Variants in UNC5A observed in about 807,000 individuals in gnomAD.
The protein encoded by UNC5A is unc-5 netrin receptor A.
In UNC5A, 20 loss-of-function variants were observed where a neutral mutation model predicts 87.4. The observed-to-expected ratio is 0.23, with a 90% CI of 0.16 to 0.33. UNC5A has a LOEUF of 0.33. UNC5A is among the 10% of genes least tolerant of loss of function. The pLI, the probability that UNC5A is intolerant of heterozygous loss-of-function variation, is 1.00. For synonymous variants in UNC5A, 438 were observed against 482.3 expected, an observed-to-expected ratio of 0.91 and a Z score of 1.20; for missense variants, 844 against 1,133.4, an observed-to-expected ratio of 0.74 and a Z score of 3.67.
chr5:176,821,264 G>A (rs912164992), intron 1 of UNC5A, among the ~76,000 whole-genome samples: 2 of 152,142 alleles, frequency 1.3e-5, no homozygotes, highest in Non-Finnish European at 2.9e-5. Context: ...CCTTGGTTTC[G>A]GGCCATCTTT....
chr5:176,868,474 C>T lies in UNC5A; in HGVS notation c.437-87C>T, dbSNP rs544721124. ...CTGGCACTTCCTCTGCCATGTGCCA[C>T]GGCCCCTGCAGGACAAGGGACACAG... On this transcript the variant is annotated intron_variant, in intron 3 of 14. Transcript: ENST00000329542. 92 of 1,470,198 alleles carry T rather than the reference C, an allele frequency of 6.3e-5. No individual in the cohort carries two copies. In the Admixed American group the frequency reaches 1.2e-3, roughly 19 times the overall value. 91.1% of individuals were successfully genotyped at this position (1,470,198 alleles called of 1,614,324 possible).
At position 176,880,184 on chromosome 5, in the gene UNC5A, A is replaced by G. The variant is rs1032067144; in HGVS notation, c.*298A>G. On this transcript the variant is annotated 3_prime_UTR_variant, in exon 15 of 15. Coordinates refer to ENST00000329542, the MANE Select transcript of UNC5A (RefSeq NM_133369.3). ...TGTGTGTGTATGTGCGTGTGATGCT[A>G]CCTCTCCTCCCGTCCCTCTCCAGGG... The G allele has an allele frequency of 1.8e-5, 6 of 326,956 alleles. No individual in the cohort carries two copies. Among genetic ancestry groups the G allele is most frequent in the African/African-American group, 1.3e-4 (6 of 46,928 alleles). 20.3% of individuals were successfully genotyped at this position (326,956 alleles called of 1,614,324 possible).
intron 2 of UNC5A, among the ~76,000 whole-genome samples, chr5:176,864,031 C>T (rs969289159): frequency 2.0e-5 from 3 of 151,586 alleles, no homozygotes; most frequent in East Asian, 3.9e-4. Flanking sequence ...AGGCACAGCC[C>T]GTGCGGGACA....
Position 176,874,689 on chromosome 5 carries a change from G to A in UNC5A, c.1378+123G>A. ...CAGATCAGCAAGGAAAGGGGGTGGA[G>A]TTTTGGGGAGAACCCAGTCTTGGCT... On this transcript the variant is annotated intron_variant, in intron 8 of 14. Coordinates refer to ENST00000329542, the MANE Select transcript of UNC5A (RefSeq NM_133369.3). The surrounding 1 kb of genome is among the most constrained non-coding windows in gnomAD (Gnocchi z 7.6). 1 of 1,177,020 alleles carries A rather than the reference G, an allele frequency of 8.5e-7. No homozygotes were observed. The highest frequency in any genetic ancestry group is 1.2e-6 in the Non-Finnish European group (1 of 865,722). 72.9% of individuals were successfully genotyped at this position (1,177,020 alleles called of 1,614,324 possible).
chr5:176,874,135 A>C lies in UNC5A; in HGVS notation c.1054A>C (p.Ser352Arg). ...TCTCACCTCAGGCTTCCAGCCCGTC[A>C]GCATCAAGCCCAGCAAAGCAGGTGA... ...SILTSGFQPV[S>R]IKPSKADNPH... Residue 352 changes from serine (S) to arginine (R), a missense_variant, in exon 7 of 15, where the codon AGC (serine) becomes CGC (arginine). Transcript: ENST00000329542. The surrounding 1 kb of genome is among the most constrained non-coding windows in gnomAD (Gnocchi z 7.6). The C allele has an allele frequency of 6.2e-7, 1 of 1,613,942 alleles. No individual in the cohort carries two copies. The highest frequency in any genetic ancestry group is 8.5e-7 in the Non-Finnish European group (1 of 1,179,922).
chr5:176,856,289 G>T (rs1757665786), intron 1 of UNC5A, among the ~76,000 whole-genome samples: 1 of 152,260 alleles, frequency 6.6e-6, no homozygotes, highest in South Asian at 2.1e-4. Context: ...GCCTACAAGA[G>T]CAGCATGTGC....
chr5:176,878,178 C>T, intron 11 of UNC5A, 51 bp downstream of exon 11: 1 of 1,603,482 alleles, frequency 6.2e-7, no homozygotes, highest in Non-Finnish European at 8.5e-7. Context: ...CTATGCCTGG[C>T]CCTGTGGACT....
chr5:176,852,898 C>T (rs1757579961), intron 1 of UNC5A, among the ~76,000 whole-genome samples: 1 of 152,230 alleles, frequency 6.6e-6, no homozygotes, highest in Non-Finnish European at 1.5e-5. Context: ...CAGATGTGGT[C>T]CTGCTGTTGT....
intron 1 of UNC5A, among the ~76,000 whole-genome samples, chr5:176,847,124 C>T (rs1195533811): frequency 6.6e-6 from 1 of 152,180 alleles, no homozygotes; most frequent in East Asian, 1.9e-4. Context: ...TGAAGGTCTG[C>T]CTCACCCCCG....
At position 176,848,086 on chromosome 5, in the gene UNC5A, A is replaced by ACTGACTAG. The variant is rs1757456086; in HGVS notation, c.71-14533_71-14532insTAGCTGAC. Among the ~76,000 whole-genome samples, 1 of 151,916 alleles carries ACTGACTAG rather than the reference A, an allele frequency of 6.6e-6. No homozygotes were observed. Among genetic ancestry groups the ACTGACTAG allele is most frequent in the South Asian group, 2.1e-4 (1 of 4,816 alleles). On this transcript the variant is annotated intron_variant, in intron 1 of 14. Transcript: ENST00000329542. The surrounding 1 kb of genome is among the most constrained non-coding windows in gnomAD (Gnocchi z 5.8). Reference sequence around the variant, plus strand: ...CATCCAGCAGCCCCTCCAGGCCCCTACTGACCAGCTGACCAGCAGCCCCCA... The same window carrying ACTGACTAG: ...CATCCAGCAGCCCCTCCAGGCCCCTACTGACTAGCTGACCAGCTGACCAGCAGCCCCCA...
chr5:176,827,313 G>C (rs1465892116), intron 1 of UNC5A, among the ~76,000 whole-genome samples: 5 of 151,082 alleles, frequency 3.3e-5, no homozygotes, highest in Non-Finnish European at 7.4e-5. Context: ...CTCCCGAGTA[G>C]CTGGGATTAC....
chr5:176,834,697 C>CTCTCTG (rs1757108257), intron 1 of UNC5A, among the ~76,000 whole-genome samples: 1 of 150,326 alleles, frequency 6.7e-6, no homozygotes, highest in Non-Finnish European at 1.5e-5. Context: ...CTCTCTCTCT[C>CTCTCTG]TCTCTCTGTC....
intron 2 of UNC5A, among the ~76,000 whole-genome samples, chr5:176,867,059 T>C (rs1245383164): frequency 6.6e-6 from 1 of 152,164 alleles, no homozygotes; most frequent in Admixed American, 6.5e-5. Flanking sequence ...CCGGCTCAGC[T>C]GGGCGGCCGC....
chr5:176,855,857 C>A (rs2113642020), intron 1 of UNC5A, among the ~76,000 whole-genome samples: 1 of 152,336 alleles, frequency 6.6e-6, no homozygotes, highest in East Asian at 1.9e-4. Context: ...CTGCTGTGCC[C>A]CAGCCTCCTC....
intron 1 of UNC5A, among the ~76,000 whole-genome samples, chr5:176,860,728 G>A (rs1757815531): frequency 6.6e-6 from 1 of 152,184 alleles, no homozygotes; most frequent in Admixed American, 6.5e-5. Flanking sequence ...GGGTGGGGTG[G>A]GTCTGGGTCT....
At chr5:176,818,054 C>T (rs1403919364) in intron 1 of UNC5A, among the ~76,000 whole-genome samples, 1 of 152,064 alleles carries the variant, frequency 6.6e-6, no homozygotes, top group East Asian at 1.9e-4. Context: ...CCTCCGGGCA[C>T]CGCCGCGCGG....
Position 176,877,632 on chromosome 5 carries a change from C to T in UNC5A, c.1564C>T (p.His522Tyr). Residue 522 changes from histidine to tyrosine, a missense_variant, in exon 10 of 15, where the codon CAC (histidine) becomes TAC (tyrosine). His to Tyr is a moderately conservative substitution (Grantham distance 83). Transcript: ENST00000329542. Reference sequence around the variant, plus strand: ...CCGGCCAGTCATCCTGGCTATGGACCACTGTGGGGAGCCCAGCCCTGACAG... The same window carrying T: ...CCGGCCAGTCATCCTGGCTATGGACTACTGTGGGGAGCCCAGCCCTGACAG... ...LTRPVILAMDHCGEPSPDSWS... is the reference protein window; with the variant it reads ...LTRPVILAMDYCGEPSPDSWS... 1 of 1,612,608 alleles carries T rather than the reference C, an allele frequency of 6.2e-7. No individual in the cohort carries two copies. The highest frequency in any genetic ancestry group is 8.5e-7 in the Non-Finnish European group (1 of 1,179,688).
In UNC5A at chr5:176,878,130, A is replaced by G; in HGVS notation, c.1869+3A>G. The G allele has an allele frequency of 1.2e-6, 2 of 1,606,944 alleles. No homozygotes were observed. Among genetic ancestry groups the G allele is most frequent in the East Asian group, 2.2e-5 (1 of 44,824 alleles). On this transcript the variant is annotated splice_donor_region_variant and intron_variant, in intron 11 of 14. Transcript: ENST00000329542. ...ATGACACCCACGATGCACTCAAGGT[A>G]TCTCCCGCCCCTCACCCCCCGCCGC...
Position 176,838,921 on chromosome 5 carries a change from C to T in UNC5A, c.71-23703C>T, listed in dbSNP as rs949060955. On this transcript the variant is annotated intron_variant, in intron 1 of 14. Transcript: ENST00000329542. This position sits in a 1 kb window ranked among gnomAD's most constrained non-coding sequence, Gnocchi z 4.2. ...CTGAAGCTGGTAGGGGTCATTTCCA[C>T]TCAAACCACATAGCTTACTATGGAA... Among the ~76,000 whole-genome samples, 13 of 152,236 alleles carry T rather than the reference C, an allele frequency of 8.5e-5. No individual in the cohort carries two copies. The highest frequency in any genetic ancestry group is 1.5e-4 in the Non-Finnish European group (10 of 68,042).
Sources: gnomAD v4.1 joint callset for allele counts (sites outside exome capture counted in the v4.1 genomes callset) on GRCh38, gnomAD v4.1.1 for gene constraint, Gnocchi (gnomAD v3.1) non-coding constraint, MANE v1.5 for transcripts, NCBI Gene and HGNC (gene_info 2026-07-23, HGNC 2026-07-21) for gene names.